Variants in UNC93A observed in about 807,000 individuals in gnomAD.
UNC93A encodes the protein unc-93 homolog A, also known as N-acetylglucosamine transporter UNC93A.
UNC93A carries 43 observed loss-of-function variants against 47.5 expected under a neutral mutation model. The ratio of observed to expected loss-of-function variants is 0.91; its 90% CI spans 0.71 to 1.17. UNC93A has a LOEUF of 1.17. UNC93A is among the 50% of genes most tolerant of loss of function. The pLI, the probability that UNC93A is intolerant of heterozygous loss-of-function variation, is 0.00. For synonymous variants in UNC93A, 280 were observed against 258.0 expected, an observed-to-expected ratio of 1.09 and a Z score of -0.82; for missense variants, 605 against 577.6, an observed-to-expected ratio of 1.05 and a Z score of -0.49.
intron 7 of UNC93A, among the ~76,000 whole-genome samples, chr6:167,309,269 G>T (rs1362441530): frequency 6.6e-6 from 1 of 152,230 alleles, no homozygotes; most frequent in Non-Finnish European, 1.5e-5. Flanking sequence ...GCGTGAGAGC[G>T]TTTTGGAGGA....
At chr6:167,296,872 C>A (rs141183504) in intron 3 of UNC93A, among the ~76,000 whole-genome samples, 1 of 152,200 alleles carries the variant, frequency 6.6e-6, no homozygotes, top group Non-Finnish European at 1.5e-5. Flanking sequence ...ACTTTCCCAA[C>A]GGGGTAAAAA....
intron 7 of UNC93A, among the ~76,000 whole-genome samples, chr6:167,313,092 C>T (rs1001868655): frequency 6.6e-6 from 1 of 152,204 alleles, no homozygotes; most frequent in Admixed American, 6.5e-5. Flanking sequence ...GATTAGCAGA[C>T]AGGCAGGAGT....
At chr6:167,276,998 C>T (rs1014681201) in intron 1 of UNC93A, among the ~76,000 whole-genome samples, 2 of 152,262 alleles carry the variant, frequency 1.3e-5, no homozygotes, top group Non-Finnish European at 2.9e-5. Context: ...AGACAACGCC[C>T]ACCCTCCTGG....
At chr6:167,278,389 A>G (rs1441595824) in intron 1 of UNC93A, among the ~76,000 whole-genome samples, 1 of 152,168 alleles carries the variant, frequency 6.6e-6, no homozygotes, top group Non-Finnish European at 1.5e-5. Context: ...CTGGTTCATC[A>G]GTTACCATCA....
chr6:167,303,677 T>C (rs1778302338), intron 4 of UNC93A, among the ~76,000 whole-genome samples: 1 of 152,148 alleles, frequency 6.6e-6, no homozygotes, highest in South Asian at 2.1e-4. Flanking sequence ...AGGACAATAC[T>C]GACCTATTGT....
At chr6:167,297,804 C>T (rs1458855524) in intron 3 of UNC93A, 141 bp from the exon 4 acceptor site, 7 of 1,042,506 alleles carry the variant, frequency 6.7e-6, no homozygotes. Flanking sequence ...TTTTGAGACA[C>T]TGGGTCTTTC....
chr6:167,298,849 C>T (rs1423390893), intron 4 of UNC93A, among the ~76,000 whole-genome samples: 1 of 151,370 alleles, frequency 6.6e-6, no homozygotes, highest in Non-Finnish European at 1.5e-5. Flanking sequence ...CATGGTGGCT[C>T]ACACCTGTAA....
At chr6:167,299,808 C>A (rs569562157) in intron 4 of UNC93A, among the ~76,000 whole-genome samples, 2 of 152,310 alleles carry the variant, frequency 1.3e-5, no homozygotes, top group East Asian at 3.9e-4. Flanking sequence ...GGGCTGGGGG[C>A]AAGGTGGAGG....
chr6:167,272,744 G>T (rs534050057), intron 1 of UNC93A, among the ~76,000 whole-genome samples: 1 of 152,300 alleles, frequency 6.6e-6, no homozygotes, highest in African/African-American at 2.4e-5. Flanking sequence ...AAGACTTGGA[G>T]CAAATAGAAA....
At chr6:167,285,960 C>A (rs71571494) in intron 1 of UNC93A, among the ~76,000 whole-genome samples, 9,873 of 138,946 alleles carry the variant, frequency 0.071, 396 homozygotes, top group East Asian at 0.14. Context: ...CTCTCTCTCT[C>A]TATATATATA....
At chr6:167,280,178 C>T (rs978802454) in intron 1 of UNC93A, among the ~76,000 whole-genome samples, 3 of 152,102 alleles carry the variant, frequency 2.0e-5, no homozygotes, top group Admixed American at 6.5e-5. Context: ...ACTCAAAAGC[C>T]GAGGATGAGG....
At chr6:167,277,799 CTG>C (rs1364912159) in intron 1 of UNC93A, among the ~76,000 whole-genome samples, 2 of 151,882 alleles carry the variant, frequency 1.3e-5, no homozygotes, top group African/African-American at 4.8e-5. Context: ...CTCTCTGTCT[CTG>C]TGTCTCTGTC....
chr6:167,312,652 A>G (rs1778593159), intron 7 of UNC93A, among the ~76,000 whole-genome samples: 1 of 152,214 alleles, frequency 6.6e-6, no homozygotes, highest in African/African-American at 2.4e-5. Context: ...CCTGGTTCCC[A>G]CTAGGTATGA....
intron 7 of UNC93A, among the ~76,000 whole-genome samples, chr6:167,310,296 C>T (rs900674834): frequency 3.3e-5 from 5 of 152,300 alleles, no homozygotes; most frequent in South Asian, 2.1e-4. Flanking sequence ...ATATTCCATA[C>T]GATAATTCCC....
chr6:167,277,669 GTC>G (rs1051636163), intron 1 of UNC93A, among the ~76,000 whole-genome samples: 1 of 138,012 alleles, frequency 7.2e-6, no homozygotes, highest in Admixed American at 7.4e-5. Context: ...CTATCTCTCT[GTC>G]TCTTTCTCTT....
In UNC93A at chr6:167,285,227, A is replaced by G. The variant is rs1583065046; in HGVS notation, c.-51-6212A>G. Among the ~76,000 whole-genome samples, 3 of 151,848 alleles carry G rather than the reference A, an allele frequency of 2.0e-5. 1 individual carries two copies. In the Admixed American group the frequency reaches 2.0e-4, roughly 10 times the overall value. ...CTGCCACACAGGCTGGCCCTGAGCC[A>G]TGGCATTTAGGCCAAGGGGAGGGGC... On this transcript the variant is annotated intron_variant, in intron 1 of 3. Coordinates refer to the UNC93A transcript ENST00000503433.
In UNC93A at chr6:167,304,145, AGT is replaced by A. The variant is rs775507756; in HGVS notation, c.840+14_840+15del. The A allele has an allele frequency of 3.7e-6, 6 of 1,613,868 alleles. No homozygotes were observed. Among genetic ancestry groups the A allele is most frequent in the South Asian group, 3.3e-5 (3 of 91,052 alleles). On this transcript the variant is annotated intron_variant, in intron 5 of 7. Coordinates refer to ENST00000230256, the MANE Select transcript of UNC93A (RefSeq NM_018974.4). ...GCGAATACACAAGGGTATGAACGAA[AGT>A]GAGGGCCGGTGGCTCAGGCCATGCG...
At chr6:167,296,836 T>G (rs2981962) in intron 3 of UNC93A, among the ~76,000 whole-genome samples, 34,507 of 152,096 alleles carry the variant, frequency 0.23, 4,168 homozygotes, top group African/African-American at 0.31. Flanking sequence ...GCAGAGGACA[T>G]ACATCTCTTT....
At chr6:167,302,969 C>G (rs970445925) in intron 4 of UNC93A, among the ~76,000 whole-genome samples, 1 of 152,170 alleles carries the variant, frequency 6.6e-6, no homozygotes, top group Non-Finnish European at 1.5e-5. Flanking sequence ...CTCTGTCCAG[C>G]GTGTCCGCAC....
Sources: gnomAD v4.1 joint callset for allele counts (sites outside exome capture counted in the v4.1 genomes callset) on GRCh38, gnomAD v4.1.1 for gene constraint, MANE v1.5 for transcripts, NCBI Gene and HGNC (gene_info 2026-07-23, HGNC 2026-07-21) for gene names.